Variants in REEP3 observed in about 807,000 individuals in gnomAD.
REEP3 encodes receptor accessory protein 3, also known as receptor expression-enhancing protein 3.
REEP3 carries 20 observed loss-of-function variants against 41.3 expected under a neutral mutation model. The ratio of observed to expected loss-of-function variants is 0.48; its 90% CI spans 0.34 to 0.70. The LOEUF (loss-of-function observed/expected upper bound fraction) is 0.70, where lower values mean the gene tolerates loss of function less well. REEP3 is among the 30% of genes least tolerant of loss of function. REEP3 has a pLI of 0.01. For missense variants in REEP3, 271 were observed against 308.8 expected, an observed-to-expected ratio of 0.88 and a Z score of 0.92; for synonymous variants, 104 against 101.8, an observed-to-expected ratio of 1.02 and a Z score of -0.13.
intron 1 of REEP3, among the ~76,000 whole-genome samples, chr10:63,534,439 A>AG (rs1316427800): frequency 2.0e-5 from 3 of 152,080 alleles, no homozygotes; most frequent in Non-Finnish European, 1.5e-5. Context: ...TTGTAGAGAT[A>AG]GGGCCTTGTT....
chr10:63,596,754 T>C (rs990974893), intron 3 of REEP3, among the ~76,000 whole-genome samples: 6 of 152,226 alleles, frequency 3.9e-5, no homozygotes, highest in Admixed American at 2.6e-4. Flanking sequence ...GCATCTTTGC[T>C]GGGGTCAGGT....
At chr10:63,563,040 A>G (rs1955758452) in intron 1 of REEP3, 1 of 456,098 alleles carries the variant, frequency 2.2e-6, no homozygotes, top group African/African-American at 2.0e-5. Context: ...AGGGGCCATT[A>G]TGTGAGGACA....
intron 3 of REEP3, among the ~76,000 whole-genome samples, chr10:63,597,730 T>C (rs1183206759): frequency 2.0e-5 from 3 of 151,948 alleles, no homozygotes; most frequent in African/African-American, 7.3e-5. Context: ...CTGGACAACA[T>C]GGTGAAACCC....
At chr10:63,602,611 T>C (rs1956182624) in intron 5 of REEP3, among the ~76,000 whole-genome samples, 1 of 152,238 alleles carries the variant, frequency 6.6e-6, no homozygotes, top group Non-Finnish European at 1.5e-5. Flanking sequence ...TCCTCACTTT[T>C]AACATTTGTG....
chr10:63,545,231 T>G (rs1414150275), intron 1 of REEP3, among the ~76,000 whole-genome samples: 1 of 152,248 alleles, frequency 6.6e-6, no homozygotes, highest in East Asian at 1.9e-4. Context: ...GTGAACAGAT[T>G]AATGTAATTA....
At chr10:63,530,415 C>T (rs1473367653) in intron 1 of REEP3, among the ~76,000 whole-genome samples, 1 of 152,034 alleles carries the variant, frequency 6.6e-6, no homozygotes, top group Non-Finnish European at 1.5e-5. Flanking sequence ...AGATACATTG[C>T]TATTAGACAA....
chr10:63,583,810 G>A (rs1446907559), intron 2 of REEP3, among the ~76,000 whole-genome samples: 1 of 152,112 alleles, frequency 6.6e-6, no homozygotes, highest in African/African-American at 2.4e-5. Context: ...TAAATCAATA[G>A]AACTTTAAAT....
At chr10:63,613,999 AG>A (rs750514647) in intron 6 of REEP3, among the ~76,000 whole-genome samples, 4 of 152,200 alleles carry the variant, frequency 2.6e-5, no homozygotes, top group Admixed American at 1.3e-4. Flanking sequence ...ACTCTAATAC[AG>A]GGGGAAAAAA....
At position 63,619,645 on chromosome 10, in the gene REEP3, A is replaced by G; in HGVS notation, c.566-10A>G. The G allele has an allele frequency of 1.9e-6, 3 of 1,593,200 alleles. No individual in the cohort carries two copies. The highest frequency in any genetic ancestry group is 1.7e-4 in the Middle Eastern group (1 of 6,046). ...TTACCAAAACATGCTGTTTTTGACA[A>G]CTTGTTTAGGTTATGGAATTCCACT... On this transcript the variant is annotated splice_polypyrimidine_tract_variant and intron_variant, in intron 6 of 7. Transcript: ENST00000373758.
At chr10:63,619,208 C>G (rs1956334126) in intron 6 of REEP3, among the ~76,000 whole-genome samples, 1 of 152,072 alleles carries the variant, frequency 6.6e-6, no homozygotes, top group Non-Finnish European at 1.5e-5. Context: ...ACAAAAGATA[C>G]GACACATAGA....
chr10:63,528,150 T>C (rs1955384274), intron 1 of REEP3, among the ~76,000 whole-genome samples: 1 of 152,188 alleles, frequency 6.6e-6, no homozygotes. Flanking sequence ...CAGATCTCTC[T>C]GCTGAACTCT....
At chr10:63,575,203 A>T (rs1955887917) in intron 2 of REEP3, among the ~76,000 whole-genome samples, 1 of 152,168 alleles carries the variant, frequency 6.6e-6, no homozygotes, top group African/African-American at 2.4e-5. Flanking sequence ...ATTTTCTTTC[A>T]GAATTTTGAG....
At position 63,572,305 on chromosome 10, in the gene REEP3, CTTTT is replaced by C. The variant is rs11397106; in HGVS notation, c.105+5903_105+5906del. Among the ~76,000 whole-genome samples, 2 of 149,070 alleles carry C rather than the reference CTTTT, an allele frequency of 1.3e-5. 1 individual carries two copies. The highest frequency in any genetic ancestry group is 1.3e-4 in the Admixed American group (2 of 14,948). On this transcript the variant is annotated intron_variant, in intron 2 of 7. Transcript: ENST00000373758. ...AACTTAGCCATCTAATTTAAACCGA[CTTTT>C]TTTTTTTAATTATACTTTAAGTTCT... is the stretch of plus-strand genomic sequence containing the variant.
intron 1 of REEP3, among the ~76,000 whole-genome samples, chr10:63,556,402 G>A (rs546156719): frequency 6.6e-6 from 1 of 152,052 alleles, no homozygotes; most frequent in East Asian, 1.9e-4. Context: ...GATTACAGGC[G>A]TGAGCCACCA....
At chr10:63,588,374 A>T (rs1956027091) in intron 2 of REEP3, among the ~76,000 whole-genome samples, 1 of 152,164 alleles carries the variant, frequency 6.6e-6, no homozygotes, top group Non-Finnish European at 1.5e-5. Context: ...TCTCTCCAGT[A>T]TAACGTTAAA....
At chr10:63,616,830 C>T (rs1956315927) in intron 6 of REEP3, among the ~76,000 whole-genome samples, 1 of 151,932 alleles carries the variant, frequency 6.6e-6, no homozygotes, top group Non-Finnish European at 1.5e-5. Context: ...CAACCTAAAC[C>T]TGAAGCCTGG....
chr10:63,591,275 GA>G (rs982364998), intron 2 of REEP3, among the ~76,000 whole-genome samples: 14 of 151,420 alleles, frequency 9.2e-5, no homozygotes, highest in Non-Finnish European at 1.3e-4. Context: ...TACATTAATG[GA>G]AAAAAAGAAA....
intron 2 of REEP3, among the ~76,000 whole-genome samples, chr10:63,591,308 C>G (rs1418881098): frequency 6.6e-6 from 1 of 151,994 alleles, no homozygotes; most frequent in Non-Finnish European, 1.5e-5. Context: ...TCAAGGTTAA[C>G]TTTCTTTATG....
chr10:63,615,084 A>G (rs950613960), intron 6 of REEP3, among the ~76,000 whole-genome samples: 12 of 152,222 alleles, frequency 7.9e-5, no homozygotes, highest in Non-Finnish European at 1.5e-4. Flanking sequence ...TTGTAGGGAA[A>G]AAAAATAATA....
Sources: gnomAD v4.1 joint callset for allele counts (sites outside exome capture counted in the v4.1 genomes callset) on GRCh38, gnomAD v4.1.1 for gene constraint, MANE v1.5 for transcripts, NCBI Gene and HGNC (gene_info 2026-07-23, HGNC 2026-07-21) for gene names.